The following RCOR1 variants were observed in gnomAD, a reference collection of about 807,000 sequenced individuals.
RCOR1 encodes the protein REST corepressor.
RCOR1 carries 12 observed loss-of-function variants against 64.0 expected under a neutral mutation model. That is an observed-to-expected ratio of 0.19 (90% CI 0.12 to 0.30). RCOR1 has a LOEUF of 0.30. RCOR1 is among the 10% of genes least tolerant of loss of function. The pLI, the probability that RCOR1 is intolerant of heterozygous loss-of-function variation, is 1.00. For missense variants in RCOR1, 502 were observed against 621.2 expected (o/e 0.81, Z 2.04); for synonymous variants, 279 against 227.2 (o/e 1.23, Z -2.05).
At chr14:102,714,316 G>A (rs1487185426) in intron 7 of RCOR1, 107 bp from the exon 8 acceptor site, 1 of 666,356 alleles carries the variant, frequency 1.5e-6, no homozygotes, top group Non-Finnish European at 2.5e-6. Flanking sequence ...ATAGGGCATG[G>A]TATTTGTCTT....
chr14:102,688,739 C>G (rs937604756), intron 3 of RCOR1, among the ~76,000 whole-genome samples: 1 of 152,178 alleles, frequency 6.6e-6, no homozygotes. Flanking sequence ...ACTGTTCCAT[C>G]ATTTACTCCA....
intron 7 of RCOR1, among the ~76,000 whole-genome samples, chr14:102,714,213 G>A (rs1896017809): frequency 6.6e-6 from 1 of 152,120 alleles, no homozygotes; most frequent in Admixed American, 6.5e-5. Context: ...AAGAAGGAGT[G>A]GAACACAGTT....
Position 102,726,803 on chromosome 14 carries a change from C to T in RCOR1, c.*297C>T, listed in dbSNP as rs542364643. The T allele has an allele frequency of 6.5e-5, 25 of 381,848 alleles. No homozygotes were observed. In the South Asian group the frequency reaches 8.0e-4, roughly 12 times the overall value. The allele number at this position is 381,848 out of a possible 1,614,324, so 23.7% of individuals were successfully genotyped here. ...GAACCGCCTCTCCCGCCGGAGCCCC[C>T]GAGCCCCACCAATGGCAGCTCTTCC... is the stretch of plus-strand genomic sequence containing the variant. On this transcript the variant is annotated 3_prime_UTR_variant, in exon 12 of 12. Coordinates refer to ENST00000262241, the MANE Select transcript of RCOR1 (RefSeq NM_015156.4).
intron 2 of RCOR1, among the ~76,000 whole-genome samples, chr14:102,670,961 A>G (rs1489431719): frequency 6.6e-6 from 1 of 151,958 alleles, no homozygotes; most frequent in Non-Finnish European, 1.5e-5. Flanking sequence ...TTTAGTAGAG[A>G]TGGGGTTTCA....
At chr14:102,634,345 A>G (rs1309783790) in intron 2 of RCOR1, among the ~76,000 whole-genome samples, 6 of 151,932 alleles carry the variant, frequency 3.9e-5, no homozygotes, top group African/African-American at 1.2e-4. Context: ...ACTGCACTCC[A>G]TCCTGGGTGA....
rs557236252 is a variant in RCOR1 at position 102,694,909 on chromosome 14, C to T, written c.446-6369C>T. ...TGAGAGAGAAATTGGTGTCATGTTT[C>T]CTCTGTGGTACCTAATCCTACAGCA... is the stretch of plus-strand genomic sequence containing the variant. On this transcript the variant is annotated intron_variant, in intron 3 of 11. Transcript: ENST00000262241. 2.6e-5 allele frequency among the ~76,000 whole-genome samples: 4 copies of T among 152,306 alleles called. No individual in the cohort carries two copies. In the South Asian group the frequency reaches 8.3e-4, roughly 32 times the overall value.
At chr14:102,613,456 G>A (rs1336507321) in intron 2 of RCOR1, among the ~76,000 whole-genome samples, 3 of 143,566 alleles carry the variant, frequency 2.1e-5, no homozygotes, top group Non-Finnish European at 3.0e-5. Flanking sequence ...TTTTTGAGAC[G>A]GAGTCTCGTT....
chr14:102,633,940 G>T (rs1894179100), intron 2 of RCOR1, among the ~76,000 whole-genome samples: 1 of 152,166 alleles, frequency 6.6e-6, no homozygotes, highest in African/African-American at 2.4e-5. Flanking sequence ...ATAGAAGGTA[G>T]ATTTTTGAGG....
At chr14:102,668,227 C>T (rs757614013) in intron 2 of RCOR1, among the ~76,000 whole-genome samples, 3 of 152,220 alleles carry the variant, frequency 2.0e-5, no homozygotes, top group Non-Finnish European at 1.5e-5. Context: ...GGACAGAACA[C>T]ACTATACACG....
At chr14:102,712,026 T>A (rs2139988247) in intron 7 of RCOR1, among the ~76,000 whole-genome samples, 1 of 152,206 alleles carries the variant, frequency 6.6e-6, no homozygotes, top group Non-Finnish European at 1.5e-5. Context: ...TCTTTTTTCT[T>A]TTTTGAGACA....
chr14:102,637,858 G>T (rs1054014087), intron 2 of RCOR1, among the ~76,000 whole-genome samples: 5 of 152,150 alleles, frequency 3.3e-5, no homozygotes, highest in African/African-American at 9.7e-5. Context: ...AAATTGCTAA[G>T]AGGGAGCATT....
At chr14:102,691,628 T>C (rs1895534556) in intron 3 of RCOR1, among the ~76,000 whole-genome samples, 1 of 152,224 alleles carries the variant, frequency 6.6e-6, no homozygotes. Context: ...AGTATTTTCA[T>C]CACTTTAATT....
intron 4 of RCOR1, 45 bp from the exon 5 acceptor site, chr14:102,707,306 T>A: frequency 1.3e-6 from 2 of 1,491,920 alleles, no homozygotes; most frequent in Non-Finnish European, 1.8e-6. Flanking sequence ...TCCATTTTCA[T>A]TGTTTTTTGT....
chr14:102,713,413 GCTGGGGCTAC>G (rs1165736190), intron 7 of RCOR1, among the ~76,000 whole-genome samples: 1 of 152,002 alleles, frequency 6.6e-6, no homozygotes, highest in Non-Finnish European at 1.5e-5. Flanking sequence ...CTCCCAAGTA[GCTGGGGCTAC>G]AGGCGCCCGC....
intron 2 of RCOR1, among the ~76,000 whole-genome samples, chr14:102,645,486 T>C (rs941725): frequency 0.13 from 19,051 of 152,184 alleles, 1,438 homozygotes; most frequent in African/African-American, 0.2. Context: ...TTTCCTGTAA[T>C]GTACAATAGT....
At chr14:102,651,121 A>C (rs1894579189) in intron 2 of RCOR1, 32 of 980,226 alleles carry the variant, frequency 3.3e-5, no homozygotes, top group Non-Finnish European at 3.9e-5. Flanking sequence ...TGGTGCTGAG[A>C]CCAGCTCGGT....
intron 2 of RCOR1, among the ~76,000 whole-genome samples, chr14:102,676,619 G>A (rs1895165779): frequency 1.1e-5 from 1 of 91,810 alleles, no homozygotes; most frequent in Admixed American, 9.5e-5. Flanking sequence ...CGGGGCGGCT[G>A]GCCAGGTGGG....
At chr14:102,712,947 GTT>G (rs67246962) in intron 7 of RCOR1, among the ~76,000 whole-genome samples, 6,613 of 77,518 alleles carry the variant, frequency 0.085, 81 homozygotes, top group East Asian at 0.18. Context: ...CTAAATCATT[GTT>G]TTTTTTTTTT....
chr14:102,706,114 C>CA (rs71119732), intron 4 of RCOR1, among the ~76,000 whole-genome samples: 1,549 of 21,302 alleles, frequency 0.073, 305 homozygotes, highest in African/African-American at 0.12. Flanking sequence ...AACCCTGTCT[C>CA]AAAAAAAAAA....
Sources: gnomAD v4.1 joint callset for allele counts (sites outside exome capture counted in the v4.1 genomes callset) on GRCh38, gnomAD v4.1.1 for gene constraint, MANE v1.5 for transcripts, NCBI Gene and HGNC (gene_info 2026-07-23, HGNC 2026-07-21) for gene names.